ZRANB3: variants seen among roughly 807,000 people sequenced by gnomAD.
ZRANB3 encodes zinc finger RANBP2-type containing 3.
A neutral mutation model predicts 133.8 loss-of-function variants in ZRANB3; 125 were observed. The observed-to-expected ratio is 0.93, with a 90% confidence interval of 0.81 to 1.08. The LOEUF (loss-of-function observed/expected upper bound fraction) is 1.08. Among genes scored for constraint, ZRANB3 ranks in the 50% least tolerant of loss-of-function variants. The probability of loss-of-function intolerance (pLI) is 0.00; values close to 1 mark genes in which losing one functional copy is unlikely to be tolerated. For missense variants in ZRANB3, 1,229 were observed against 1,275.5 expected (o/e 0.96, Z 0.56); for synonymous variants, 387 against 432.7 (o/e 0.89, Z 1.31).
chr2:135,368,685 C>T (rs1477164366), intron 3 of ZRANB3, among the ~76,000 whole-genome samples: 1 of 151,502 alleles, frequency 6.6e-6, no homozygotes, highest in African/African-American at 2.4e-5. Flanking sequence ...AGATGGATAC[C>T]CCATTTACCT....
intron 6 of ZRANB3, chr2:135,345,007 T>C (rs1684851540): frequency 6.6e-6 from 1 of 152,066 alleles, no homozygotes; most frequent in Admixed American, 6.5e-5. Context: ...GAGACAAGAG[T>C]GGAAGAAACA....
intron 2 of ZRANB3, among the ~76,000 whole-genome samples, chr2:135,474,732 A>T (rs1042670603): frequency 6.6e-6 from 1 of 152,244 alleles, no homozygotes; most frequent in South Asian, 2.1e-4. Context: ...TAGCAATACT[A>T]CAAGGACTAA....
At position 135,237,116 on chromosome 2, in the gene ZRANB3, G is replaced by A. The variant is rs1235563563; in HGVS notation, c.1540-6189C>T. 3.8e-4 allele frequency among the ~76,000 whole-genome samples: 58 copies of A among 152,088 alleles called. 1 individual carries two copies. The highest frequency in any genetic ancestry group is 3.9e-4 in the East Asian group (2 of 5,182). ...CAAGAAAAAAACAAACAACCCCATC[G>A]ACAAGTGGGCGAAGGATATGAACAG... On this transcript the variant is annotated intron_variant, in intron 12 of 20. Coordinates refer to ENST00000264159, the MANE Select transcript of ZRANB3 (RefSeq NM_032143.4).
At chr2:135,508,435 C>A (rs1693295023) in intron 1 of ZRANB3, among the ~76,000 whole-genome samples, 1 of 151,994 alleles carries the variant, frequency 6.6e-6, no homozygotes, top group Non-Finnish European at 1.5e-5. Context: ...CCGCACCTGG[C>A]CAAGGCACAA....
intron 6 of ZRANB3, among the ~76,000 whole-genome samples, chr2:135,344,038 C>T (rs1684813386): frequency 6.6e-6 from 1 of 152,050 alleles, no homozygotes; most frequent in Non-Finnish European, 1.5e-5. Context: ...TAGATTTTTC[C>T]CCTATGCATA....
chr2:135,209,122 G>T, intron 17 of ZRANB3, 144 bp from the exon 18 acceptor site: 2 of 655,666 alleles, frequency 3.1e-6, no homozygotes, highest in East Asian at 3.0e-5. Context: ...GTTAGAAAAT[G>T]GAATTTTTAC....
chr2:135,351,692 A>G (rs967598388), intron 4 of ZRANB3, among the ~76,000 whole-genome samples: 1 of 152,214 alleles, frequency 6.6e-6, no homozygotes, highest in Non-Finnish European at 1.5e-5. Context: ...TGTAGCTTCT[A>G]TCCTACCATG....
chr2:135,384,308 T>C (rs1046523680), intron 3 of ZRANB3, among the ~76,000 whole-genome samples: 6 of 152,132 alleles, frequency 3.9e-5, no homozygotes, highest in African/African-American at 9.7e-5. Flanking sequence ...AAGTTGAATC[T>C]CTGAATAGAC....
In ZRANB3 at chr2:135,207,660, G is replaced by A. The variant is rs769887849; in HGVS notation, c.2783C>T (p.Ala928Val). The A allele has an allele frequency of 1.1e-5, 17 of 1,613,962 alleles. No homozygotes were observed. In the East Asian group the frequency reaches 1.3e-4, roughly 13 times the overall value. ...GCAAAACCGTGAATCCCAAGAGTTC[G>A]CTTTACATGCTTGCTTAGTCTGGCA... is the stretch of plus-strand genomic sequence containing the variant. Reference protein sequence around the residue: ...PTCQTKQACKANSWDSRFCSL... With the variant: ...PTCQTKQACKVNSWDSRFCSL... The change falls in exon 19 of 21, where the codon GCG (alanine) becomes GTG (valine). Residue 928 changes from alanine to valine, a missense_variant. Transcript: ENST00000264159.
chr2:135,392,046 G>A, intron 2 of ZRANB3, among the ~76,000 whole-genome samples: 1 of 152,126 alleles, frequency 6.6e-6, no homozygotes, highest in Non-Finnish European at 1.5e-5. Context: ...GGCATGGTCA[G>A]GATCATCGGG....
chr2:135,483,253 CTT>C (rs1691922031), intron 2 of ZRANB3, among the ~76,000 whole-genome samples: 1 of 151,984 alleles, frequency 6.6e-6, no homozygotes, highest in African/African-American at 2.4e-5. Flanking sequence ...GTCCTGGACT[CTT>C]TTTGGTTGGT....
intron 3 of ZRANB3, 36 bp from the exon 4 acceptor site, chr2:135,353,664 C>G (rs1487751217): frequency 5.4e-6 from 7 of 1,289,944 alleles, no homozygotes; most frequent in East Asian, 2.8e-5. Context: ...AATAATAGAG[C>G]CTAAAATATT....
chr2:135,528,589 G>A (rs895613067), intron 1 of ZRANB3, among the ~76,000 whole-genome samples: 10 of 151,928 alleles, frequency 6.6e-5, no homozygotes, highest in African/African-American at 2.4e-4. Context: ...ATAAAATGAT[G>A]GCCATCATTA....
At chr2:135,247,393 A>T (rs1038485642) in intron 12 of ZRANB3, among the ~76,000 whole-genome samples, 9 of 152,196 alleles carry the variant, frequency 5.9e-5, no homozygotes, top group Admixed American at 4.6e-4. Context: ...GTTCATTCCC[A>T]TACAGCTGAA....
In ZRANB3 at chr2:135,266,669, G is replaced by A. The variant is rs112823041; in HGVS notation, c.1387-983C>T. ...AGTCCCAGCTACTCAGGAGGCTGAG[G>A]CAGGAGAATCGCTTGAACCCAGGAG... On this transcript the variant is annotated intron_variant, in intron 11 of 20. Coordinates refer to ENST00000264159, the MANE Select transcript of ZRANB3 (RefSeq NM_032143.4). 3.0e-3 allele frequency among the ~76,000 whole-genome samples: 451 copies of A among 152,120 alleles called. 3 individuals carry two copies. The highest frequency in any genetic ancestry group is 0.01 in the African/African-American group (421 of 41,526).
rs541768406 is a variant in ZRANB3, at chr2:135,481,259, C to A, written c.161+23070G>T. On this transcript the variant is annotated intron_variant, in intron 2 of 20. Coordinates refer to ENST00000264159, the MANE Select transcript of ZRANB3 (RefSeq NM_032143.4). The stretch of plus-strand genomic sequence containing the variant: ...GTGTAAAAGTGTTCCTATTTCTCCA[C>A]ATCCTCTCCAGCACCTGTTGTTTCC... Among the ~76,000 whole-genome samples, 22 of 151,218 alleles carry A rather than the reference C, an allele frequency of 1.5e-4. 3 individuals carry two copies. Among genetic ancestry groups the A allele is most frequent in the African/African-American group, 5.3e-4 (22 of 41,194 alleles).
intron 2 of ZRANB3, among the ~76,000 whole-genome samples, chr2:135,443,850 A>G (rs549810252): frequency 6.6e-6 from 1 of 152,308 alleles, no homozygotes; most frequent in East Asian, 1.9e-4. Context: ...ATAAAGTAAC[A>G]AGTCACAGAC....
At chr2:135,403,575 G>A (rs1022098971) in intron 2 of ZRANB3, among the ~76,000 whole-genome samples, 1 of 152,232 alleles carries the variant, frequency 6.6e-6, no homozygotes, top group South Asian at 2.1e-4. Context: ...AGACTTAAAT[G>A]TTCTTGTCTG....
intron 3 of ZRANB3, chr2:135,355,357 G>GAA: frequency 2.2e-6 from 1 of 450,514 alleles, no homozygotes; most frequent in Non-Finnish European, 2.9e-6. Flanking sequence ...AACAATCACA[G>GAA]ATCTTTTTTT....
Sources: gnomAD v4.1 joint callset for allele counts (sites outside exome capture counted in the v4.1 genomes callset) on GRCh38, gnomAD v4.1.1 for gene constraint, MANE v1.5 for transcripts, NCBI Gene and HGNC (gene_info 2026-07-23, HGNC 2026-07-21) for gene names.